Variants in EYA4 observed in about 807,000 individuals in gnomAD.
EYA4 encodes the protein EYA transcriptional coactivator and phosphatase 4.
In EYA4, 31 loss-of-function variants were observed where a neutral mutation model predicts 87.9. That is an observed-to-expected ratio of 0.35 (90% confidence interval 0.27 to 0.48). EYA4 has a LOEUF of 0.48. EYA4 is among the 20% of genes least tolerant of loss of function. EYA4 has a pLI of 0.99. For missense variants in EYA4, 678 were observed against 761.4 expected (o/e 0.89, Z 1.29); for synonymous variants, 263 against 270.6 (o/e 0.97, Z 0.28).
At chr6:133,246,714 A>G (rs1468509415) in intron 1 of EYA4, 2 of 152,206 alleles carry the variant, frequency 1.3e-5, no homozygotes, top group Non-Finnish European at 2.9e-5. Flanking sequence ...TTACTATAAT[A>G]TTAATCACTA....
At chr6:133,248,965 TTAGGTC>T (rs1429373661) in intron 1 of EYA4, 1 of 152,214 alleles carries the variant, frequency 6.6e-6, no homozygotes, top group Admixed American at 6.5e-5. Flanking sequence ...GAATTTTAAT[TTAGGTC>T]TAGTTTTTTC....
At chr6:133,390,080 A>G (rs1209639974) in intron 3 of EYA4, among the ~76,000 whole-genome samples, 4 of 152,230 alleles carry the variant, frequency 2.6e-5, no homozygotes, top group Admixed American at 1.3e-4. Flanking sequence ...GAGTATATAC[A>G]GAAGCATGAG....
At chr6:133,296,375 G>C in intron 2 of EYA4, among the ~76,000 whole-genome samples, 1 of 152,186 alleles carries the variant, frequency 6.6e-6, no homozygotes, top group East Asian at 1.9e-4. Flanking sequence ...AGTGTGCCTT[G>C]TGTTTTAGAT....
At chr6:133,338,310 T>C (rs968508042) in intron 2 of EYA4, among the ~76,000 whole-genome samples, 8 of 152,186 alleles carry the variant, frequency 5.3e-5, no homozygotes, top group Non-Finnish European at 1.0e-4. Context: ...TGGCATTTGA[T>C]GTAGATAGTT....
intron 3 of EYA4, among the ~76,000 whole-genome samples, chr6:133,431,799 A>G (rs1791206897): frequency 6.6e-6 from 1 of 152,214 alleles, no homozygotes; most frequent in Non-Finnish European, 1.5e-5. Flanking sequence ...TTAAATGTTC[A>G]TGGTTGGAAC....
intron 13 of EYA4, among the ~76,000 whole-genome samples, chr6:133,489,102 A>G (rs1387611412): frequency 1.3e-5 from 2 of 152,242 alleles, no homozygotes; most frequent in African/African-American, 2.4e-5. Flanking sequence ...TGAAAATGTA[A>G]TGGACATATT....
chr6:133,382,489 C>G (rs371457385), intron 3 of EYA4, 48 bp downstream of exon 3: 1 of 1,248,648 alleles, frequency 8.0e-7, no homozygotes, highest in South Asian at 1.2e-5. Flanking sequence ...ATTGCAGTTT[C>G]GGAGCACTAG....
chr6:133,321,772 T>C (rs897575356), intron 2 of EYA4, among the ~76,000 whole-genome samples: 1 of 152,144 alleles, frequency 6.6e-6, no homozygotes, highest in African/African-American at 2.4e-5. Flanking sequence ...TCACATTAGA[T>C]GAAATTGAGT....
chr6:133,318,595 T>C (rs948153593), intron 2 of EYA4, among the ~76,000 whole-genome samples: 3 of 151,378 alleles, frequency 2.0e-5, no homozygotes, highest in Admixed American at 6.6e-5. Context: ...ACCCTCTTGG[T>C]TGAAAAAGTA....
intron 9 of EYA4, among the ~76,000 whole-genome samples, chr6:133,464,035 A>G (rs1794640979): frequency 6.6e-6 from 1 of 151,834 alleles, no homozygotes; most frequent in Non-Finnish European, 1.5e-5. Context: ...TACATAATAC[A>G]TTGCTAGTCA....
chr6:133,360,519 A>G (rs1214909821), intron 2 of EYA4: 1 of 152,246 alleles, frequency 6.6e-6, no homozygotes, highest in Non-Finnish European at 1.5e-5. Context: ...ATCTTGTGTT[A>G]TCACCATAAT....
At chr6:133,401,333 C>T (rs1199073392) in intron 3 of EYA4, among the ~76,000 whole-genome samples, 2 of 151,952 alleles carry the variant, frequency 1.3e-5, no homozygotes, top group Admixed American at 6.6e-5. Flanking sequence ...GTGTTCAACA[C>T]GTCAGTAGGG....
At chr6:133,391,226 T>TG (rs1554246232) in intron 3 of EYA4, among the ~76,000 whole-genome samples, 1 of 84,844 alleles carries the variant, frequency 1.2e-5, no homozygotes, top group Admixed American at 1.1e-4. Flanking sequence ...GTTTTTGTTT[T>TG]TTTTTTTTTT....
chr6:133,383,784 G>A (rs1042399308), intron 3 of EYA4, among the ~76,000 whole-genome samples: 1 of 151,958 alleles, frequency 6.6e-6, no homozygotes, highest in Non-Finnish European at 1.5e-5. Context: ...TATCAAAATG[G>A]AACTAACTAA....
intron 10 of EYA4, 41 bp from the exon 11 acceptor site, chr6:133,468,525 A>C: frequency 1.3e-6 from 2 of 1,489,052 alleles, no homozygotes; most frequent in Non-Finnish European, 9.4e-7. Flanking sequence ...ATTAAAGAGT[A>C]ATTTCTCTTT....
intron 2 of EYA4, among the ~76,000 whole-genome samples, chr6:133,379,741 G>C (rs1269855468): frequency 6.6e-6 from 1 of 152,068 alleles, no homozygotes; most frequent in African/African-American, 2.4e-5. Context: ...CCTACTCAGG[G>C]CTGGGGATAT....
At chr6:133,263,629 A>C (rs571444364) in intron 1 of EYA4, among the ~76,000 whole-genome samples, 64 of 152,206 alleles carry the variant, frequency 4.2e-4, no homozygotes, top group Non-Finnish European at 8.8e-4. Flanking sequence ...CTGGATATGC[A>C]TCTGTGGGAG....
At chr6:133,493,714 C>T (rs769892413) in intron 13 of EYA4, among the ~76,000 whole-genome samples, 14 of 151,958 alleles carry the variant, frequency 9.2e-5, no homozygotes, top group Admixed American at 1.3e-4. Context: ...GATTAATAAG[C>T]GGAACATACA....
chr6:133,433,513 G>A (rs542645683), intron 3 of EYA4, among the ~76,000 whole-genome samples: 1 of 152,122 alleles, frequency 6.6e-6, no homozygotes, highest in Non-Finnish European at 1.5e-5. Context: ...GCGCCACCAC[G>A]CCCAGCTAAT....
Sources: allele counts gnomAD v4.1 joint callset (sites outside exome capture counted in the v4.1 genomes callset), GRCh38; gene constraint gnomAD v4.1.1; transcripts MANE v1.5; gene names NCBI Gene and HGNC (gene_info 2026-07-23, HGNC 2026-07-21).